Variants in LGSN observed in about 807,000 individuals in gnomAD.
LGSN encodes the protein lengsin.
A neutral mutation model predicts 19.5 loss-of-function variants in LGSN; 21 were observed. The observed-to-expected ratio is 1.07, with a 90% CI of 0.76 to 1.55. The LOEUF (loss-of-function observed/expected upper bound fraction) is 1.55, where lower values mean the gene tolerates loss of function less well. Among genes scored for constraint, LGSN ranks in the 40% most tolerant of loss-of-function variants. The probability of loss-of-function intolerance (pLI) is 0.00; values close to 1 mark genes in which losing one functional copy is unlikely to be tolerated. For synonymous variants in LGSN, 257 were observed against 215.6 expected (o/e 1.19, Z -1.68); for missense variants, 673 against 608.5 (o/e 1.11, Z -1.12).
the LGSN span, among the ~76,000 whole-genome samples, chr6:63,458,748 G>C: frequency 1.3e-5 from 2 of 152,256 alleles, no homozygotes; most frequent in East Asian, 3.9e-4. Flanking sequence ...AACTAACCAG[G>C]TGTATGTTTT....
At chr6:63,391,176 C>CTAT in the LGSN span, among the ~76,000 whole-genome samples, 1 of 152,078 alleles carries the variant, frequency 6.6e-6, no homozygotes, top group African/African-American at 2.4e-5. Context: ...GACAAATTTG[C>CTAT]TATTAAATAA....
the LGSN span, among the ~76,000 whole-genome samples, chr6:63,343,122 T>C: frequency 4.6e-5 from 7 of 152,340 alleles, no homozygotes; most frequent in South Asian, 2.1e-4. Flanking sequence ...ATATGAGTTA[T>C]AAATATAATA....
At chr6:63,344,240 G>A in the LGSN span, among the ~76,000 whole-genome samples, 12 of 152,284 alleles carry the variant, frequency 7.9e-5, no homozygotes, top group Admixed American at 5.2e-4. Context: ...GTGATAAAGG[G>A]CTAGAAATAA....
At chr6:63,362,972 G>T in the LGSN span, among the ~76,000 whole-genome samples, 1 of 152,206 alleles carries the variant, frequency 6.6e-6, no homozygotes, top group Non-Finnish European at 1.5e-5. Context: ...ACCTCATAAA[G>T]CCAGGTGCCC....
upstream of LGSN, among the ~76,000 whole-genome samples, chr6:63,323,625 T>C (rs1769148417): frequency 6.7e-6 from 1 of 148,912 alleles, no homozygotes; most frequent in African/African-American, 2.5e-5. Context: ...TAATCAATAT[T>C]AGCATATTTA....
chr6:63,317,731 A>G (rs1253682529), intron 1 of LGSN, among the ~76,000 whole-genome samples: 4 of 152,164 alleles, frequency 2.6e-5, no homozygotes, highest in Non-Finnish European at 4.4e-5. Context: ...AGAGCCTCCC[A>G]TGGGGCTGCA....
At chr6:63,445,040 G>A in the LGSN span, among the ~76,000 whole-genome samples, 1,511 of 152,340 alleles carry the variant, frequency 9.9e-3, 21 homozygotes, top group African/African-American at 0.034. Flanking sequence ...AGCCTGGCGC[G>A]GTGGCTTTTG....
the LGSN span, among the ~76,000 whole-genome samples, chr6:63,428,641 G>A: frequency 1.1e-4 from 17 of 152,152 alleles, no homozygotes; most frequent in African/African-American, 2.7e-4. Context: ...ATGAGCCACC[G>A]CACCCGACCA....
At chr6:63,390,738 A>G in the LGSN span, among the ~76,000 whole-genome samples, 1 of 151,658 alleles carries the variant, frequency 6.6e-6, no homozygotes, top group Admixed American at 6.6e-5. Flanking sequence ...GGGTGCCTGT[A>G]GTCCCAGCTA....
the LGSN span, among the ~76,000 whole-genome samples, chr6:63,394,629 A>C: frequency 7.8e-4 from 119 of 152,238 alleles, no homozygotes; most frequent in Middle Eastern, 3.4e-3. Context: ...TGGCGTAACC[A>C]TTCTTTATTC....
chr6:63,433,670 C>A, the LGSN span, among the ~76,000 whole-genome samples: 1 of 152,130 alleles, frequency 6.6e-6, no homozygotes, highest in Non-Finnish European at 1.5e-5. Context: ...TACACACAGA[C>A]ATTTAAGGCT....
chr6:63,280,778 GA>G lies in LGSN; in HGVS notation c.772del (p.Ser258ProfsTer92), dbSNP rs1380981495. ...CATCTGACCAGGCCTGGTAGAGGAGGAAAAACTCTCGACATTGGCTCCAGTG... is the reference window on the plus strand; with the variant it reads ...CATCTGACCAGGCCTGGTAGAGGAGGAAAACTCTCGACATTGGCTCCAGTG... ...YHTGANVESF[S>X]SSTRPGQMEI... On this transcript the variant is annotated frameshift_variant, in exon 4 of 4. Coordinates refer to ENST00000370657, the MANE Select transcript of LGSN (RefSeq NM_016571.3). LOFTEE classifies it low-confidence loss of function (END_TRUNC). 1.9e-6 allele frequency: 3 copies of G among 1,614,018 alleles called. No homozygotes were observed. Among genetic ancestry groups the G allele is most frequent in the Admixed American group, 1.7e-5 (1 of 60,010 alleles).
At chr6:63,383,366 T>C in the LGSN span, among the ~76,000 whole-genome samples, 1 of 138,574 alleles carries the variant, frequency 7.2e-6, no homozygotes, top group Non-Finnish European at 1.5e-5. Context: ...TGTTTAACCA[T>C]TACTTACACA....
the LGSN span, among the ~76,000 whole-genome samples, chr6:63,349,252 T>C: frequency 6.6e-6 from 1 of 152,222 alleles, no homozygotes; most frequent in African/African-American, 2.4e-5. Context: ...TTTGGAATGA[T>C]TCATTAAGAA....
the LGSN span, among the ~76,000 whole-genome samples, chr6:63,543,293 C>G: frequency 6.6e-6 from 1 of 152,140 alleles, no homozygotes; most frequent in African/African-American, 2.4e-5. Context: ...TAAAATGAAC[C>G]CTCCTCAGGG....
At chr6:63,484,418 G>C in the LGSN span, among the ~76,000 whole-genome samples, 1 of 152,066 alleles carries the variant, frequency 6.6e-6, no homozygotes, top group Admixed American at 6.6e-5. Flanking sequence ...CAGCTACTCA[G>C]GAGACTGAGA....
Position 63,294,956 on chromosome 6 carries a change from A to G in LGSN, c.120T>C (p.Val40=), listed in dbSNP as rs1268214627. Residue 40 remains valine, a synonymous_variant, in exon 2 of 4, where the codon GTT becomes GTC. Transcript: ENST00000370657. ...CCGTTTCTCCCACTTCAGTTGAACA[A>G]ACATATGGTTTAGTGACTTTCTTCC... is the stretch of plus-strand genomic sequence containing the variant. ...RTRKKVTKPY[V]CSTEVGETDM... The G allele has an allele frequency of 6.2e-7, 1 of 1,613,932 alleles. No individual in the cohort carries two copies. The highest frequency in any genetic ancestry group is 1.7e-5 in the Admixed American group (1 of 60,018).
the LGSN span, among the ~76,000 whole-genome samples, chr6:63,509,137 T>C: frequency 6.6e-6 from 1 of 151,320 alleles, no homozygotes; most frequent in Admixed American, 6.6e-5. Flanking sequence ...CGATCTCAGC[T>C]CACTGCAACC....
intron 1 of LGSN, among the ~76,000 whole-genome samples, chr6:63,296,560 T>C (rs1165435597): frequency 6.6e-6 from 1 of 151,894 alleles, no homozygotes; most frequent in Non-Finnish European, 1.5e-5. Flanking sequence ...CTTAGCCAGG[T>C]ATATAATTAT....
Sources: allele counts gnomAD v4.1 joint callset (sites outside exome capture counted in the v4.1 genomes callset), GRCh38; gene constraint gnomAD v4.1.1; transcripts MANE v1.5; gene names NCBI Gene and HGNC (gene_info 2026-07-23, HGNC 2026-07-21).